Variants in CMSS1 observed in about 807,000 individuals in gnomAD.
The protein encoded by CMSS1 is cms1 ribosomal small subunit homolog, also known as protein CMSS1.
A neutral mutation model predicts 43.5 loss-of-function variants in CMSS1; 33 were observed. The ratio of observed to expected loss-of-function variants is 0.76; its 90% CI spans 0.57 to 1.01. The LOEUF is 1.01. CMSS1 is among the 50% of genes least tolerant of loss of function. The pLI, the probability that CMSS1 is intolerant of heterozygous loss-of-function variation, is 0.00. For missense variants in CMSS1, 313 were observed against 326.4 expected, an observed-to-expected ratio of 0.96 and a Z score of 0.32; for synonymous variants, 115 against 117.2, an observed-to-expected ratio of 0.98 and a Z score of 0.12.
intron 1 of CMSS1, among the ~76,000 whole-genome samples, chr3:100,136,660 C>T (rs2066755220): frequency 6.6e-6 from 1 of 152,066 alleles, no homozygotes; most frequent in Non-Finnish European, 1.5e-5. Context: ...GGAGGGAAAA[C>T]CTGAGCTGAG....
chr3:99,885,082 C>T (rs1277182987), intron 1 of CMSS1, among the ~76,000 whole-genome samples: 1 of 152,206 alleles, frequency 6.6e-6, no homozygotes, highest in South Asian at 2.1e-4. Context: ...CAACTATAGG[C>T]TCAGTCACTT....
chr3:100,100,807 G>T (rs755828970), intron 1 of CMSS1, among the ~76,000 whole-genome samples: 2 of 152,174 alleles, frequency 1.3e-5, no homozygotes, highest in Non-Finnish European at 2.9e-5. Flanking sequence ...GCATATTCTG[G>T]TGAAGTGCTG....
intron 1 of CMSS1, among the ~76,000 whole-genome samples, chr3:99,988,835 A>G (rs1344683803): frequency 6.6e-6 from 1 of 152,134 alleles, no homozygotes; most frequent in Non-Finnish European, 1.5e-5. Context: ...GGTAATTTTT[A>G]TTCCAAATCT....
intron 1 of CMSS1, among the ~76,000 whole-genome samples, chr3:100,045,432 T>C (rs984159584): frequency 2.0e-5 from 3 of 152,242 alleles, no homozygotes; most frequent in Non-Finnish European, 2.9e-5. Context: ...AAAATATGTG[T>C]ATAAAATCGA....
intron 1 of CMSS1, among the ~76,000 whole-genome samples, chr3:100,141,018 G>A (rs987641288): frequency 6.6e-6 from 1 of 152,130 alleles, no homozygotes; most frequent in African/African-American, 2.4e-5. Flanking sequence ...AGGCAAAAAT[G>A]AGAACCTAAT....
chr3:100,112,390 G>A (rs1394827482), intron 1 of CMSS1, among the ~76,000 whole-genome samples: 1 of 152,150 alleles, frequency 6.6e-6, no homozygotes, highest in Non-Finnish European at 1.5e-5. Flanking sequence ...TGCAATGGCA[G>A]TCTCCTACAA....
At chr3:99,998,880 A>G (rs1046711208) in intron 1 of CMSS1, among the ~76,000 whole-genome samples, 6 of 148,490 alleles carry the variant, frequency 4.0e-5, no homozygotes, top group Admixed American at 4.0e-4. Context: ...TGGTTCTTAA[A>G]CTCTAACCTA....
At chr3:99,860,283 C>T (rs1944178501) in intron 1 of CMSS1, among the ~76,000 whole-genome samples, 3 of 152,164 alleles carry the variant, frequency 2.0e-5, no homozygotes, top group Admixed American at 2.0e-4. Context: ...TACTCTTCAT[C>T]ACCTGAACGA....
At chr3:99,873,778 G>C (rs1705363101) in intron 1 of CMSS1, among the ~76,000 whole-genome samples, 1 of 152,130 alleles carries the variant, frequency 6.6e-6, no homozygotes, top group Admixed American at 6.5e-5. Flanking sequence ...GGCTTGATTT[G>C]TGTTTTCATA....
At chr3:100,017,285 C>T (rs1710372630) in intron 1 of CMSS1, among the ~76,000 whole-genome samples, 1 of 152,154 alleles carries the variant, frequency 6.6e-6, no homozygotes, top group Non-Finnish European at 1.5e-5. Context: ...CATGTTACAT[C>T]AGCAAAGGTT....
chr3:99,909,325 G>T (rs1407148652), intron 1 of CMSS1, among the ~76,000 whole-genome samples: 1 of 152,150 alleles, frequency 6.6e-6, no homozygotes, highest in Non-Finnish European at 1.5e-5. Context: ...AATTTTGATT[G>T]TGTGTATACA....
At chr3:99,831,571 T>C (rs923637540) in intron 1 of CMSS1, among the ~76,000 whole-genome samples, 6 of 152,230 alleles carry the variant, frequency 3.9e-5, no homozygotes, top group Admixed American at 1.3e-4. Flanking sequence ...TTGAAGTCAG[T>C]GACAGACTAA....
rs141908535 is a variant in CMSS1 at position 100,082,925 on chromosome 3, G to A, written c.65-64048G>A. 7.3e-3 allele frequency among the ~76,000 whole-genome samples: 1,104 copies of A among 152,252 alleles called. 4 individuals carry two copies. The highest frequency in any genetic ancestry group is 0.01 in the African/African-American group (422 of 41,560). ...ATTCCACAATCTGTAGAATTAGCTT[G>A]CCTGTGGTTTTGAAAAAAGAACAAA... On this transcript the variant is annotated intron_variant, in intron 1 of 9. Transcript: ENST00000421999.
intron 1 of CMSS1, among the ~76,000 whole-genome samples, chr3:100,143,405 T>G (rs917893929): frequency 7.9e-5 from 12 of 152,236 alleles, no homozygotes; most frequent in African/African-American, 2.9e-4. Flanking sequence ...GCTGAAAGTT[T>G]TTTTACATGC....
At chr3:99,991,632 G>A (rs1421731409) in intron 1 of CMSS1, among the ~76,000 whole-genome samples, 1 of 151,790 alleles carries the variant, frequency 6.6e-6, no homozygotes, top group Non-Finnish European at 1.5e-5. Flanking sequence ...ATTCTCCAGT[G>A]TCTGTTATTC....
chr3:100,002,094 T>A (rs958306356), intron 1 of CMSS1, among the ~76,000 whole-genome samples: 7 of 152,268 alleles, frequency 4.6e-5, no homozygotes, highest in African/African-American at 1.7e-4. Context: ...CCACTGCAAG[T>A]GGAAAACATG....
rs148030199 is a variant in CMSS1 at position 100,172,046 on chromosome 3, C to A, written c.579+147C>A. 1.3e-4 allele frequency: 89 copies of A among 694,964 alleles called. 1 individual carries two copies. The African/African-American group carries it at 1.4e-3, about 11-fold the overall frequency. The allele number at this position is 694,964 out of a possible 1,614,324, so 43.0% of individuals were successfully genotyped here. A position where few individuals can be genotyped will look rare whatever the true frequency, so the allele number is the denominator to read the frequency against. Reference sequence around the variant, plus strand: ...AACAACTTTTCTGGTTTTTTAAATTCTATGCTTCTGCATACCTACCTCCCC... The same window carrying A: ...AACAACTTTTCTGGTTTTTTAAATTATATGCTTCTGCATACCTACCTCCCC... On this transcript the variant is annotated intron_variant, in intron 7 of 9. Transcript: ENST00000421999.
chr3:100,003,169 A>G (rs1411728226), intron 1 of CMSS1, among the ~76,000 whole-genome samples: 2 of 152,198 alleles, frequency 1.3e-5, no homozygotes, highest in Non-Finnish European at 1.5e-5. Context: ...AAATCTGATT[A>G]GAAGCACTTT....
At position 100,113,756 on chromosome 3, in the gene CMSS1, A is replaced by G. The variant is rs138485624; in HGVS notation, c.65-33217A>G. ...CATACTTTTTCTTTAATTTTTGACT[A>G]TCCATCTTACTCTTAACAGGATAAC... is the stretch of plus-strand genomic sequence containing the variant. On this transcript the variant is annotated intron_variant, in intron 1 of 9. Coordinates refer to ENST00000421999, the MANE Select transcript of CMSS1 (RefSeq NM_032359.4). Among the ~76,000 whole-genome samples the G allele has an allele frequency of 4.6e-3, 694 of 152,318 alleles. 6 individuals carry two copies. Among genetic ancestry groups the G allele is most frequent in the African/African-American group, 0.016 (679 of 41,554 alleles).
Sources: allele counts gnomAD v4.1 joint callset (sites outside exome capture counted in the v4.1 genomes callset), GRCh38; gene constraint gnomAD v4.1.1; transcripts MANE v1.5; gene names NCBI Gene and HGNC (gene_info 2026-07-23, HGNC 2026-07-21).